Variants in ENPP2 observed in about 807,000 individuals in gnomAD.
ENPP2 encodes autotaxin.
A neutral mutation model predicts 120.2 loss-of-function variants in ENPP2; 51 were observed. The observed-to-expected ratio is 0.42, with a 90% CI of 0.34 to 0.54. The LOEUF is 0.54. Among genes scored for constraint, ENPP2 ranks in the 20% least tolerant of loss-of-function variants. The pLI is 0.04. For missense variants in ENPP2, 920 were observed against 1,066.5 expected (o/e 0.86, Z 1.91); for synonymous variants, 365 against 366.4 (o/e 1.00, Z 0.04).
At chr8:119,618,738 T>C (rs2130721098) in intron 5 of ENPP2, among the ~76,000 whole-genome samples, 1 of 151,974 alleles carries the variant, frequency 6.6e-6, no homozygotes, top group East Asian at 1.9e-4. Flanking sequence ...TGTCACCATG[T>C]TGGCCAGGCT....
intron 18 of ENPP2, among the ~76,000 whole-genome samples, chr8:119,582,087 A>G (rs1266936313): frequency 1.3e-5 from 2 of 152,196 alleles, no homozygotes; most frequent in East Asian, 1.9e-4. Context: ...CGTCGGGACC[A>G]TGACTAATAG....
At chr8:119,647,778 G>C (rs1033165878) in intron 1 of ENPP2, among the ~76,000 whole-genome samples, 3 of 152,142 alleles carry the variant, frequency 2.0e-5, no homozygotes, top group Non-Finnish European at 4.4e-5. Context: ...GCAGAGGCGG[G>C]TGGATTACCT....
At chr8:119,575,123 AC>A (rs763210349) in intron 19 of ENPP2, among the ~76,000 whole-genome samples, 1 of 152,238 alleles carries the variant, frequency 6.6e-6, no homozygotes, top group Non-Finnish European at 1.5e-5. Flanking sequence ...TCTACATATG[AC>A]CTGTCTAATG....
At chr8:119,589,678 C>T (rs1486200598) in intron 13 of ENPP2, among the ~76,000 whole-genome samples, 1 of 151,936 alleles carries the variant, frequency 6.6e-6, no homozygotes, top group Non-Finnish European at 1.5e-5. Context: ...GGAACAGTTC[C>T]AGTTGTGTTG....
intron 11 of ENPP2, chr8:119,595,975 G>T: frequency 6.2e-7 from 1 of 1,613,944 alleles, no homozygotes; most frequent in Non-Finnish European, 8.5e-7. Context: ...CTCTTAGCCG[G>T]AGTAAAAGGT....
At position 119,583,807 on chromosome 8, in the gene ENPP2, T is replaced by C. The variant is rs372619923; in HGVS notation, c.1456-3A>G. 5.1e-6 allele frequency: 8 copies of C among 1,577,260 alleles called. No homozygotes were observed. The African/African-American group carries it at 1.1e-4, about 21-fold the overall frequency. On this transcript the variant is annotated splice_polypyrimidine_tract_variant and splice_region_variant and intron_variant, in intron 16 of 24. Coordinates refer to ENST00000075322, the MANE Select transcript of ENPP2 (RefSeq NM_001040092.3). ...GAGCCATAACCTACAAAAACAGTCT[T>C]CCAAAAGAAAAGAAAAACAAAAACA...
chr8:119,587,352 T>G (rs1035001632), intron 13 of ENPP2, among the ~76,000 whole-genome samples: 1 of 152,226 alleles, frequency 6.6e-6, no homozygotes, highest in Non-Finnish European at 1.5e-5. Flanking sequence ...ACCAGGATAC[T>G]GCTAGGTAAA....
At chr8:119,604,166 T>C (rs1205110309) in intron 9 of ENPP2, among the ~76,000 whole-genome samples, 1 of 152,060 alleles carries the variant, frequency 6.6e-6, no homozygotes, top group Non-Finnish European at 1.5e-5. Flanking sequence ...TAGCTGGGAT[T>C]AAAGGTGCCT....
chr8:119,667,082 A>G (rs1818095161), intron 1 of ENPP2, among the ~76,000 whole-genome samples: 1 of 152,136 alleles, frequency 6.6e-6, no homozygotes, highest in African/African-American at 2.4e-5. Context: ...AAGCATGAAA[A>G]AGGCTGCTGT....
In ENPP2 at chr8:119,584,159, C is replaced by A. The variant is rs1234190185; in HGVS notation, c.1368-110G>T. 6 of 705,504 alleles carry A rather than the reference C, an allele frequency of 8.5e-6. No individual in the cohort carries two copies. The African/African-American group carries it at 1.1e-4, about 12-fold the overall frequency. The allele number at this position is 705,504 out of a possible 1,614,324, so 43.7% of individuals were successfully genotyped here. A position where few individuals can be genotyped will look rare whatever the true frequency, so the allele number is the denominator to read the frequency against. ...CTAAGAAGGGGCTTTTGAAAGTTTG[C>A]CTCTATTTTAATTGCATTCTTCTTG... On this transcript the variant is annotated intron_variant, in intron 15 of 24. Coordinates refer to ENST00000075322, the MANE Select transcript of ENPP2 (RefSeq NM_001040092.3).
intron 15 of ENPP2, among the ~76,000 whole-genome samples, chr8:119,585,927 GACAC>G (rs34249912): frequency 0.14 from 19,962 of 146,114 alleles, 2,064 homozygotes; most frequent in African/African-American, 0.29. Flanking sequence ...GGATGAAAGA[GACAC>G]ACACACACAC....
At chr8:119,580,363 T>A in intron 18 of ENPP2, 196 bp from the exon 19 acceptor site, 1 of 602,192 alleles carries the variant, frequency 1.7e-6, no homozygotes, top group East Asian at 2.8e-5. Flanking sequence ...AGCAGTTCTA[T>A]GTTTGTAAGC....
At chr8:119,670,807 T>C (rs1007255021) in intron 1 of ENPP2, among the ~76,000 whole-genome samples, 3 of 152,138 alleles carry the variant, frequency 2.0e-5, no homozygotes, top group African/African-American at 7.2e-5. Context: ...ATATAAAATG[T>C]ACAAAAATGG....
chr8:119,657,560 T>C (rs547995654), intron 1 of ENPP2, among the ~76,000 whole-genome samples: 3 of 152,328 alleles, frequency 2.0e-5, no homozygotes, highest in African/African-American at 7.2e-5. Context: ...GGCTGCAGCA[T>C]GTAATTAGCG....
chr8:119,636,929 G>T (rs1817033103), intron 2 of ENPP2, among the ~76,000 whole-genome samples: 1 of 151,978 alleles, frequency 6.6e-6, no homozygotes, highest in Admixed American at 6.6e-5. Flanking sequence ...GGATTTTAAT[G>T]ACTGTTTTCC....
At chr8:119,639,119 A>G (rs1817183184), upstream of ENPP2, among the ~76,000 whole-genome samples, 1 of 152,196 alleles carries the variant, frequency 6.6e-6, no homozygotes, top group South Asian at 2.1e-4. Flanking sequence ...TTCCTCACAA[A>G]AACATGGTTT....
chr8:119,559,814 C>G (rs1159575742), intron 24 of ENPP2, among the ~76,000 whole-genome samples: 1 of 152,186 alleles, frequency 6.6e-6, no homozygotes, highest in Non-Finnish European at 1.5e-5. Context: ...TGTCTTTTCT[C>G]CCTGACTTTC....
chr8:119,665,026 G>C (rs557772172), intron 1 of ENPP2, among the ~76,000 whole-genome samples: 3 of 152,322 alleles, frequency 2.0e-5, no homozygotes, highest in East Asian at 1.9e-4. Context: ...TGGCTTGGTA[G>C]ATGGCCATCT....
At chr8:119,635,674 T>C (rs1035892174) in intron 2 of ENPP2, among the ~76,000 whole-genome samples, 2 of 152,252 alleles carry the variant, frequency 1.3e-5, no homozygotes, top group African/African-American at 4.8e-5. Context: ...TTAACCTGAA[T>C]GCCCATTGTA....
Sources: allele counts gnomAD v4.1 joint callset (sites outside exome capture counted in the v4.1 genomes callset), GRCh38; gene constraint gnomAD v4.1.1; transcripts MANE v1.5; gene names NCBI Gene and HGNC (gene_info 2026-07-23, HGNC 2026-07-21).